The following ATRNL1 variants were observed in gnomAD, a reference collection of about 807,000 sequenced individuals.
ATRNL1 encodes the protein attractin-like protein 1.
Under a neutral mutation model 182.7 loss-of-function variants are expected in ATRNL1, and 95 were observed. The ratio of observed to expected loss-of-function variants is 0.52; its 90% CI spans 0.44 to 0.62. The LOEUF is 0.62. Ranked by LOEUF, ATRNL1 falls within the 20% of genes least tolerant of loss-of-function variation. ATRNL1 has a pLI of 0.00. For synonymous variants in ATRNL1, 576 were observed against 568.3 expected (o/e 1.01, Z -0.19); for missense variants, 1,471 against 1,679.5 (o/e 0.88, Z 2.17).
chr10:115,690,206 G>A (rs1222243240), intron 26 of ATRNL1, among the ~76,000 whole-genome samples: 1 of 152,002 alleles, frequency 6.6e-6, no homozygotes, highest in African/African-American at 2.4e-5. Context: ...AGTACTCCCT[G>A]TGGATTACAG....
intron 26 of ATRNL1, among the ~76,000 whole-genome samples, chr10:115,570,242 A>C (rs1181904800): frequency 6.6e-6 from 1 of 152,160 alleles, no homozygotes. Context: ...GATTTCAGCT[A>C]TGAGCCACCA....
intron 21 of ATRNL1, among the ~76,000 whole-genome samples, chr10:115,451,616 G>T (rs1847285379): frequency 6.6e-6 from 1 of 152,140 alleles, no homozygotes; most frequent in Non-Finnish European, 1.5e-5. Flanking sequence ...AATAACAGAT[G>T]CTGGTGAGGT....
chr10:115,317,457 C>T (rs779311140), intron 18 of ATRNL1, among the ~76,000 whole-genome samples: 3 of 152,130 alleles, frequency 2.0e-5, no homozygotes, highest in South Asian at 2.1e-4. Context: ...ATGGGAATAG[C>T]ACTGAATCTA....
chr10:115,125,704 A>G (rs1201907515), intron 3 of ATRNL1, among the ~76,000 whole-genome samples: 1 of 152,194 alleles, frequency 6.6e-6, no homozygotes, highest in African/African-American at 2.4e-5. Context: ...TGGAGGGCCT[A>G]ACTTTAGGTA....
At chr10:115,154,093 G>A (rs1425578382) in intron 5 of ATRNL1, among the ~76,000 whole-genome samples, 1 of 151,098 alleles carries the variant, frequency 6.6e-6, no homozygotes, top group Non-Finnish European at 1.5e-5. Context: ...TATAACTTCT[G>A]TTCTTTCACA....
chr10:115,506,718 G>A lies in ATRNL1; in HGVS notation c.3655-12545G>A, dbSNP rs184416182. On this transcript the variant is annotated intron_variant, in intron 24 of 28. Transcript: ENST00000355044. ...ATCTCGACCAAATTTTGGGAGATCA[G>A]GGATTCTCTGGACGGTATGCTCCCA... 7.1e-3 allele frequency among the ~76,000 whole-genome samples: 1,083 copies of A among 152,166 alleles called. 5 individuals carry two copies. Among genetic ancestry groups the A allele is most frequent in the Non-Finnish European group, 0.013 (862 of 67,970 alleles).
chr10:115,827,987 C>T (rs782454959), intron 27 of ATRNL1, among the ~76,000 whole-genome samples: 30 of 151,916 alleles, frequency 2.0e-4, no homozygotes, highest in African/African-American at 6.0e-4. Flanking sequence ...TAACAAAGGC[C>T]CCAACTCACA....
chr10:115,307,638 T>C (rs1592418601), intron 17 of ATRNL1, among the ~76,000 whole-genome samples: 1 of 152,316 alleles, frequency 6.6e-6, no homozygotes, highest in Non-Finnish European at 1.5e-5. Context: ...AAGGAGACTT[T>C]GTATTTCTGA....
At chr10:115,568,138 T>C (rs1255292774) in intron 26 of ATRNL1, among the ~76,000 whole-genome samples, 2 of 152,118 alleles carry the variant, frequency 1.3e-5, no homozygotes, top group East Asian at 3.9e-4. Flanking sequence ...CGTAGAATCA[T>C]GCCTGGCAGA....
chr10:115,817,882 T>G (rs557812544), intron 27 of ATRNL1, among the ~76,000 whole-genome samples: 223 of 42,880 alleles, frequency 5.2e-3, no homozygotes, highest in Middle Eastern at 0.026. Flanking sequence ...GTTGTGTTTT[T>G]TTTTTTTTTT....
intron 28 of ATRNL1, among the ~76,000 whole-genome samples, chr10:115,890,396 C>A (rs2134461578): frequency 6.6e-6 from 1 of 152,312 alleles, no homozygotes; most frequent in East Asian, 1.9e-4. Flanking sequence ...TCTTTCTCTA[C>A]CACTCTCATT....
chr10:115,496,802 C>A (rs140760197), intron 24 of ATRNL1, among the ~76,000 whole-genome samples: 1 of 152,136 alleles, frequency 6.6e-6, no homozygotes, highest in East Asian at 1.9e-4. Context: ...ATGACCTGCC[C>A]CTTCTCTCTA....
At chr10:115,791,843 C>A (rs1190733091) in intron 27 of ATRNL1, among the ~76,000 whole-genome samples, 4 of 152,052 alleles carry the variant, frequency 2.6e-5, no homozygotes, top group Non-Finnish European at 5.9e-5. Flanking sequence ...AATCAACTGA[C>A]CAAGGTAATC....
At position 115,093,704 on chromosome 10, in the gene ATRNL1, G is replaced by T. The variant is rs1554862221; in HGVS notation, c.-47G>T. The T allele has an allele frequency of 7.0e-7, 1 of 1,421,282 alleles. No individual in the cohort carries two copies. Among genetic ancestry groups the T allele is most frequent in the Non-Finnish European group, 9.2e-7 (1 of 1,091,476 alleles). The allele number at this position is 1,421,282 out of a possible 1,614,324, so 88.0% of individuals were successfully genotyped here. On this transcript the variant is annotated 5_prime_UTR_variant, in exon 1 of 29. Transcript: ENST00000355044. This position sits in a 1 kb window ranked among gnomAD's most constrained non-coding sequence, Gnocchi z 6.1. ...CGGAATTCCCTTCAACAGCATCCCT[G>T]TCGGCGCCCGCGAGCGCAGTCTCGC...
intron 13 of ATRNL1, among the ~76,000 whole-genome samples, chr10:115,279,126 C>G (rs547124498): frequency 1.3e-5 from 2 of 150,720 alleles, no homozygotes; most frequent in African/African-American, 4.9e-5. Context: ...GGCATGAACC[C>G]GAGAGGTGGA....
At chr10:115,674,371 C>T (rs1945794806) in intron 26 of ATRNL1, among the ~76,000 whole-genome samples, 3 of 152,080 alleles carry the variant, frequency 2.0e-5, no homozygotes, top group Admixed American at 2.0e-4. Context: ...CTCTGTTAGA[C>T]ATCATGTAGT....
In ATRNL1 at chr10:115,469,182, A is replaced by G. The variant is rs782559412; in HGVS notation, c.3507A>G (p.Ile1169Met). 2.5e-6 allele frequency: 3 copies of G among 1,206,150 alleles called. No individual in the cohort carries two copies. Among genetic ancestry groups the G allele is most frequent in the East Asian group, 5.7e-5 (2 of 35,194 alleles). The allele number at this position is 1,206,150 out of a possible 1,614,324, so 74.7% of individuals were successfully genotyped here. The change falls in exon 24 of 29, where the codon ATA becomes ATG. Residue 1169 changes from isoleucine to methionine, a missense_variant. By Grantham distance (10) the Ile-to-Met change is conservative (BLOSUM62 1). Around this residue, in one of 3 missense-constraint regions of ATRNL1, gnomAD observed 437 missense variants for 506.0 expected, o/e 0.86. Transcript: ENST00000355044. ...TWSVGSTAGT[I>M]SGEETSIVSK... is the part of the protein sequence containing the mutation. ...TTATTTACATTTTAGCTGGAACAAT[A>G]TCTGGGGAAGAGACTTCTATAGTTT...
At chr10:115,687,783 T>G (rs1336815679) in intron 26 of ATRNL1, among the ~76,000 whole-genome samples, 1 of 152,122 alleles carries the variant, frequency 6.6e-6, no homozygotes, top group African/African-American at 2.4e-5. Flanking sequence ...TCAATCATCT[T>G]GAATGTTTAT....
chr10:115,494,058 T>A (rs1050785651), intron 24 of ATRNL1, among the ~76,000 whole-genome samples: 4 of 152,184 alleles, frequency 2.6e-5, no homozygotes, highest in Admixed American at 1.3e-4. Context: ...TATTTTCTCT[T>A]ATTCTATAGG....
Sources: gnomAD v4.1 joint callset for allele counts (sites outside exome capture counted in the v4.1 genomes callset) on GRCh38, gnomAD v4.1.1 for gene constraint, gnomAD v4.1.1 regional missense constraint, Gnocchi (gnomAD v3.1) non-coding constraint, MANE v1.5 for transcripts, NCBI Gene and HGNC (gene_info 2026-07-23, HGNC 2026-07-21) for gene names.